The following STAU2 variants were observed in gnomAD, a reference collection of about 807,000 sequenced individuals.
STAU2 encodes staufen double-stranded RNA binding protein 2.
STAU2 carries 20 observed loss-of-function variants against 65.9 expected under a neutral mutation model. The observed-to-expected ratio is 0.30, with a 90% CI of 0.21 to 0.44. The LOEUF is 0.44. Among genes scored for constraint, STAU2 ranks in the 20% least tolerant of loss-of-function variants. The pLI, the probability that STAU2 is intolerant of heterozygous loss-of-function variation, is 1.00. For missense variants in STAU2, 558 were observed against 683.9 expected, an observed-to-expected ratio of 0.82 and a Z score of 2.05; for synonymous variants, 232 against 233.9, an observed-to-expected ratio of 0.99 and a Z score of 0.07.
At chr8:73,675,340 C>G (rs1200189807) in intron 5 of STAU2, 1 of 149,622 alleles carries the variant, frequency 6.7e-6, no homozygotes, top group African/African-American at 2.5e-5. Flanking sequence ...ATGAAAAAGT[C>G]TGAAAGAGCA....
At chr8:73,549,544 A>G in intron 13 of STAU2, 21 of 804,858 alleles carry the variant, frequency 2.6e-5, no homozygotes, top group Non-Finnish European at 3.2e-5. Flanking sequence ...GCTTTTTGTA[A>G]TTTATAAATT....
intron 13 of STAU2, among the ~76,000 whole-genome samples, chr8:73,469,295 G>A (rs1819841890): frequency 6.6e-6 from 1 of 151,988 alleles, no homozygotes; most frequent in Non-Finnish European, 1.5e-5. Context: ...TCACACACCA[G>A]GGCCTGTTGT....
At chr8:73,626,295 A>G (rs1813634109) in intron 6 of STAU2, among the ~76,000 whole-genome samples, 1 of 152,246 alleles carries the variant, frequency 6.6e-6, no homozygotes, top group African/African-American at 2.4e-5. Flanking sequence ...AAGGCCCTGC[A>G]GAAATAACAT....
chr8:73,437,758 G>A (rs559037301), intron 13 of STAU2, among the ~76,000 whole-genome samples: 5 of 152,110 alleles, frequency 3.3e-5, no homozygotes, highest in South Asian at 2.1e-4. Flanking sequence ...TGAGAAGAGC[G>A]GCCCAGGTGC....
At chr8:73,645,778 A>C (rs1293989941) in intron 6 of STAU2, among the ~76,000 whole-genome samples, 1 of 152,156 alleles carries the variant, frequency 6.6e-6, no homozygotes, top group Admixed American at 6.6e-5. Flanking sequence ...AAGGGGAAGC[A>C]GGCACATCTT....
intron 13 of STAU2, among the ~76,000 whole-genome samples, chr8:73,490,700 T>C (rs1821115061): frequency 1.3e-5 from 2 of 152,062 alleles, no homozygotes; most frequent in Admixed American, 1.3e-4. Flanking sequence ...ATTTTGCTGG[T>C]CCTCAGTTCC....
chr8:73,521,225 A>T (rs1823021581), intron 13 of STAU2, among the ~76,000 whole-genome samples: 1 of 152,226 alleles, frequency 6.6e-6, no homozygotes. Flanking sequence ...AATCAAAACT[A>T]GAATACTCAT....
chr8:73,618,248 T>C (rs115914898), intron 6 of STAU2, among the ~76,000 whole-genome samples: 2 of 152,200 alleles, frequency 1.3e-5, no homozygotes, highest in African/African-American at 4.8e-5. Context: ...ATGTTAGATG[T>C]AGATGTAAGA....
At chr8:73,677,092 G>C (rs555092181) in intron 5 of STAU2, among the ~76,000 whole-genome samples, 72 of 152,276 alleles carry the variant, frequency 4.7e-4, no homozygotes, top group African/African-American at 1.6e-3. Context: ...CTTTACAACA[G>C]AGCCTAGCCT....
At chr8:73,422,510 G>T in intron 14 of STAU2, 104 bp downstream of exon 14, 1 of 795,214 alleles carries the variant, frequency 1.3e-6, no homozygotes, top group South Asian at 2.3e-5. Flanking sequence ...AATTGTGTAA[G>T]ATGTAGATAC....
chr8:73,581,641 A>AT (rs1345806821), intron 12 of STAU2, among the ~76,000 whole-genome samples: 1 of 152,130 alleles, frequency 6.6e-6, no homozygotes, highest in Non-Finnish European at 1.5e-5. Flanking sequence ...AACTGATTCC[A>AT]TTTTTTCCTT....
At chr8:73,425,162 C>T (rs1295806242) in intron 13 of STAU2, among the ~76,000 whole-genome samples, 2 of 152,178 alleles carry the variant, frequency 1.3e-5, no homozygotes, top group Admixed American at 6.5e-5. Flanking sequence ...TCCTAACCCC[C>T]AGTATCTCAG....
rs201586476 is a variant in STAU2 at position 73,480,859 on chromosome 8, A to ACACT, written c.1531-58161_1531-58158dup. The stretch of plus-strand genomic sequence containing the variant: ...CAAAGAATGAAGCATACTAAAGTAC[A>ACACT]CACTCAGAGAAGGAAGAAATTCAAT... On this transcript the variant is annotated intron_variant, in intron 13 of 14. Transcript: ENST00000524300. 6.4e-3 allele frequency among the ~76,000 whole-genome samples: 980 copies of ACACT among 152,288 alleles called. 6 individuals carry two copies. Among genetic ancestry groups the ACACT allele is most frequent in the Middle Eastern group, 0.01 (3 of 294 alleles).
chr8:73,599,514 T>C (rs1296117923), intron 10 of STAU2, among the ~76,000 whole-genome samples: 1 of 152,200 alleles, frequency 6.6e-6, no homozygotes. Context: ...TAAAAAAAAG[T>C]TAGAAAGTTT....
chr8:73,672,938 C>T, intron 6 of STAU2, 169 bp downstream of exon 6: 1 of 536,386 alleles, frequency 1.9e-6, no homozygotes. Context: ...AACTGGGTTT[C>T]TTTAAGTTAT....
intron 13 of STAU2, among the ~76,000 whole-genome samples, chr8:73,535,837 C>G (rs531626316): frequency 6.6e-6 from 1 of 152,310 alleles, no homozygotes; most frequent in Admixed American, 6.5e-5. Flanking sequence ...AAACTCTTCT[C>G]TCTATGGGGC....
intron 6 of STAU2, 44 bp downstream of exon 6, chr8:73,673,063 G>T (rs1397629910): frequency 1.5e-5 from 22 of 1,464,858 alleles, no homozygotes; most frequent in Non-Finnish European, 1.8e-5. Context: ...TTATAACATG[G>T]ATAAAATAAT....
At chr8:73,679,773 A>C (rs1440706801) in intron 5 of STAU2, among the ~76,000 whole-genome samples, 1 of 151,388 alleles carries the variant, frequency 6.6e-6, no homozygotes, top group African/African-American at 2.4e-5. Context: ...CTGTAATCCC[A>C]GCTACTTGGG....
intron 9 of STAU2, among the ~76,000 whole-genome samples, chr8:73,610,034 T>C (rs1296892172): frequency 6.6e-6 from 1 of 152,154 alleles, no homozygotes; most frequent in African/African-American, 2.4e-5. Context: ...ATCGCAGCAC[T>C]TTGGGAGGCC....
Sources: gnomAD v4.1 joint callset for allele counts (sites outside exome capture counted in the v4.1 genomes callset) on GRCh38, gnomAD v4.1.1 for gene constraint, MANE v1.5 for transcripts, NCBI Gene and HGNC (gene_info 2026-07-23, HGNC 2026-07-21) for gene names.